The following MARK1 variants were observed in gnomAD, a reference collection of about 807,000 sequenced individuals.
MARK1 encodes serine/threonine-protein kinase MARK1.
In MARK1, 40 loss-of-function variants were observed where a neutral mutation model predicts 96.3. The ratio of observed to expected loss-of-function variants is 0.42; its 90% CI spans 0.32 to 0.54. MARK1 has a LOEUF of 0.54. MARK1 is among the 20% of genes least tolerant of loss of function. MARK1 has a pLI of 0.16. For missense variants in MARK1, 719 were observed against 984.6 expected (o/e 0.73, Z 3.61); for synonymous variants, 317 against 341.2 (o/e 0.93, Z 0.78).
rs557746273 is a variant in MARK1, at chr1:220,614,653, C to T, written c.496-1286C>T. Among the ~76,000 whole-genome samples the T allele has an allele frequency of 1.4e-4, 22 of 151,944 alleles. No individual in the cohort carries two copies. In the South Asian group the frequency reaches 2.7e-3, roughly 19 times the overall value. Reference sequence around the variant, plus strand: ...TTTCTCTTCTTAATCAGATTGTAAGCGCCTTAAGGACAGAGTCCACTTAGT... The same window carrying T: ...TTTCTCTTCTTAATCAGATTGTAAGTGCCTTAAGGACAGAGTCCACTTAGT... On this transcript the variant is annotated intron_variant, in intron 6 of 17. Coordinates refer to ENST00000366917, the MANE Select transcript of MARK1 (RefSeq NM_018650.5).
At chr1:220,620,476 C>T (rs1490533392) in intron 9 of MARK1, among the ~76,000 whole-genome samples, 1 of 152,096 alleles carries the variant, frequency 6.6e-6, no homozygotes, top group Non-Finnish European at 1.5e-5. Context: ...AAAGTTGAAG[C>T]AGCAGCTTAG....
intron 7 of MARK1, among the ~76,000 whole-genome samples, chr1:220,617,678 C>T (rs1236337213): frequency 6.6e-6 from 1 of 152,084 alleles, no homozygotes; most frequent in Non-Finnish European, 1.5e-5. Context: ...GTAAAATATA[C>T]ATCAAGAAGA....
chr1:220,638,631 A>G (rs1468699636), intron 13 of MARK1, among the ~76,000 whole-genome samples: 1 of 152,224 alleles, frequency 6.6e-6, no homozygotes, highest in Non-Finnish European at 1.5e-5. Context: ...AGGCATAAAA[A>G]TTAAGAAATT....
intron 5 of MARK1, among the ~76,000 whole-genome samples, chr1:220,603,772 A>C (rs909473771): frequency 2.0e-5 from 3 of 152,094 alleles, no homozygotes; most frequent in Non-Finnish European, 2.9e-5. Context: ...TGTATAATAA[A>C]GAGTTGACTG....
chr1:220,598,310 T>C (rs751621001), intron 3 of MARK1, 21 bp from the exon 4 acceptor site: 4 of 605,466 alleles, frequency 6.6e-6, no homozygotes, highest in South Asian at 4.5e-5. Context: ...CAGAAATATA[T>C]CTACCTGTTT....
At chr1:220,661,674 G>A (rs1170558787) in intron 17 of MARK1, 138 bp from the exon 18 acceptor site, 27 of 600,202 alleles carry the variant, frequency 4.5e-5, no homozygotes, top group East Asian at 3.3e-4. Context: ...AAATCTTTGC[G>A]TCCATCTGAG....
intron 13 of MARK1, among the ~76,000 whole-genome samples, chr1:220,641,410 G>T (rs572264201): frequency 3.4e-4 from 52 of 152,252 alleles, no homozygotes; most frequent in Middle Eastern, 3.4e-3. Context: ...ACAACAAAAA[G>T]ATGGCCATCT....
intron 3 of MARK1, among the ~76,000 whole-genome samples, chr1:220,597,727 C>G (rs1665472952): frequency 2.0e-5 from 3 of 152,010 alleles, no homozygotes; most frequent in African/African-American, 7.3e-5. Flanking sequence ...GAAAAATGTG[C>G]CCTGTATTGT....
At chr1:220,591,886 A>G (rs1288328286) in intron 3 of MARK1, among the ~76,000 whole-genome samples, 1 of 151,984 alleles carries the variant, frequency 6.6e-6, no homozygotes, top group Non-Finnish European at 1.5e-5. Context: ...GAATTGAATG[A>G]CACTCGGGCA....
intron 3 of MARK1, among the ~76,000 whole-genome samples, chr1:220,592,711 C>A (rs1665080613): frequency 6.6e-6 from 1 of 152,192 alleles, no homozygotes; most frequent in Admixed American, 6.5e-5. Flanking sequence ...CTGCAACTGG[C>A]AAACATGTTT....
At chr1:220,534,964 T>C (rs1281812399) in intron 1 of MARK1, among the ~76,000 whole-genome samples, 1 of 152,140 alleles carries the variant, frequency 6.6e-6, no homozygotes, top group African/African-American at 2.4e-5. Context: ...TTGGCTCTTA[T>C]AAATAATACC....
chr1:220,595,822 A>G (rs1172944448), intron 3 of MARK1, among the ~76,000 whole-genome samples: 1 of 152,182 alleles, frequency 6.6e-6, no homozygotes, highest in African/African-American at 2.4e-5. Context: ...AGTAGTGTCA[A>G]TATGGATGGG....
At chr1:220,635,792 T>C in intron 12 of MARK1, 41 bp from the exon 13 acceptor site, 1 of 1,456,874 alleles carries the variant, frequency 6.9e-7, no homozygotes, top group Middle Eastern at 1.8e-4. Context: ...AGTAGATCAG[T>C]TGTTTTTCAG....
chr1:220,600,890 T>C (rs985353746), intron 5 of MARK1, among the ~76,000 whole-genome samples: 1 of 98,636 alleles, frequency 1.0e-5, no homozygotes, highest in Non-Finnish European at 2.6e-5. Context: ...TCTTTTCTTT[T>C]TCTTTTTTTT....
chr1:220,629,145 A>G (rs1667525776), intron 9 of MARK1, among the ~76,000 whole-genome samples: 1 of 152,188 alleles, frequency 6.6e-6, no homozygotes, highest in African/African-American at 2.4e-5. Flanking sequence ...TTAGTGGAAT[A>G]TTGGCAAGTA....
At chr1:220,643,270 G>A (rs950881547) in intron 13 of MARK1, among the ~76,000 whole-genome samples, 2 of 152,126 alleles carry the variant, frequency 1.3e-5, no homozygotes, top group Non-Finnish European at 2.9e-5. Context: ...ACCTGGTGGA[G>A]CCGAAAAACA....
chr1:220,562,069 C>A (rs1422190962), intron 1 of MARK1, among the ~76,000 whole-genome samples: 1 of 152,084 alleles, frequency 6.6e-6, no homozygotes, highest in African/African-American at 2.4e-5. Flanking sequence ...TTGCTGAAGA[C>A]CTGTGTAAAC....
intron 1 of MARK1, among the ~76,000 whole-genome samples, chr1:220,531,094 G>A (rs1660286780): frequency 6.6e-6 from 1 of 152,136 alleles, no homozygotes; most frequent in East Asian, 1.9e-4. Context: ...GTTTATAGGT[G>A]TTATAGGTGT....
intron 6 of MARK1, among the ~76,000 whole-genome samples, chr1:220,614,349 C>T (rs1233819755): frequency 6.6e-6 from 1 of 150,924 alleles, no homozygotes; most frequent in Non-Finnish European, 1.5e-5. Flanking sequence ...CATTTCGTCA[C>T]CTCCCCATCC....
Sources: allele counts gnomAD v4.1 joint callset (sites outside exome capture counted in the v4.1 genomes callset), GRCh38; gene constraint gnomAD v4.1.1; transcripts MANE v1.5; gene names NCBI Gene and HGNC (gene_info 2026-07-23, HGNC 2026-07-21).